The following BCAS3 variants were observed in gnomAD, a reference collection of about 807,000 sequenced individuals.
BCAS3 encodes BCAS4/BCAS3 fusion.
A neutral mutation model predicts 116.1 loss-of-function variants in BCAS3; 53 were observed. That is an observed-to-expected ratio of 0.46 (90% CI 0.37 to 0.57). The LOEUF is 0.57. BCAS3 is among the 20% of genes least tolerant of loss of function. BCAS3 has a pLI of 0.00. For missense variants in BCAS3, 917 were observed against 1,165.4 expected (o/e 0.79, Z 3.10); for synonymous variants, 391 against 408.2 (o/e 0.96, Z 0.51).
In BCAS3 at chr17:61,366,504, G is replaced by A. The variant is rs925025511; in HGVS notation, c.2426-1823G>A. Among the ~76,000 whole-genome samples, 2 of 152,218 alleles carry A rather than the reference G, an allele frequency of 1.3e-5. No individual in the cohort carries two copies. The highest frequency in any genetic ancestry group is 4.8e-5 in the African/African-American group (2 of 41,458). ...CACCTGGGAGTTGTTGCCAAGGGTG[G>A]TTGAGTGTTGGCTCTGAGCTTGGCA... On this transcript the variant is annotated intron_variant, in intron 22 of 23. Transcript: ENST00000407086. This position sits in a 1 kb window ranked among gnomAD's most constrained non-coding sequence, Gnocchi z 4.5.
chr17:61,109,689 A>G (rs1431572055), intron 22 of BCAS3, among the ~76,000 whole-genome samples: 1 of 152,094 alleles, frequency 6.6e-6, no homozygotes, highest in African/African-American at 2.4e-5. Flanking sequence ...GCGTTTCCAT[A>G]GTGATGTTGA....
chr17:61,223,934 T>TTG (rs2144397952), intron 22 of BCAS3, among the ~76,000 whole-genome samples: 1 of 152,296 alleles, frequency 6.6e-6, no homozygotes, highest in South Asian at 2.1e-4. Context: ...TGGAACCCAG[T>TTG]TGTAGTGATC....
intron 22 of BCAS3, chr17:61,086,810 A>G (rs1001608472): frequency 1.3e-5 from 13 of 985,274 alleles, no homozygotes; most frequent in Middle Eastern, 5.2e-4. Context: ...TAGATAAGGA[A>G]TTGGACTTTT....
chr17:60,972,500 G>A (rs934767893), intron 14 of BCAS3, among the ~76,000 whole-genome samples: 3 of 146,136 alleles, frequency 2.1e-5, no homozygotes, highest in Non-Finnish European at 4.5e-5. Flanking sequence ...GTAGGCTAGA[G>A]TGTAGTAGTG....
intron 22 of BCAS3, among the ~76,000 whole-genome samples, chr17:61,329,587 G>A (rs1040150749): frequency 6.7e-6 from 1 of 150,228 alleles, no homozygotes; most frequent in Non-Finnish European, 1.5e-5. Context: ...GTGATCCACC[G>A]GCCTCGGCCT....
intron 4 of BCAS3, among the ~76,000 whole-genome samples, chr17:60,693,294 C>T (rs2035114885): frequency 1.3e-5 from 2 of 151,952 alleles, no homozygotes; most frequent in Admixed American, 1.3e-4. Context: ...AGTTTGAATC[C>T]CAGACTACAT....
rs1419082477 is a variant in BCAS3, at chr17:60,962,380, T to C, written c.1221+15028T>C. 1.3e-5 allele frequency among the ~76,000 whole-genome samples: 2 copies of C among 152,318 alleles called. No homozygotes were observed. The highest frequency in any genetic ancestry group is 2.1e-4 in the South Asian group (1 of 4,828). ...TCCTTTTGATACAAGCCATTTTTACTAGGGTGAGATGATATCTTGTTGTGG... is the reference window on the plus strand; with the variant it reads ...TCCTTTTGATACAAGCCATTTTTACCAGGGTGAGATGATATCTTGTTGTGG... On this transcript the variant is annotated intron_variant, in intron 14 of 23. Transcript: ENST00000407086. This position sits in a 1 kb window ranked among gnomAD's most constrained non-coding sequence, Gnocchi z 4.4.
At chr17:60,786,547 G>GTATATATATATA (rs72319489) in intron 6 of BCAS3, among the ~76,000 whole-genome samples, 1,878 of 140,584 alleles carry the variant, frequency 0.013, 42 homozygotes, top group African/African-American at 0.045. Flanking sequence ...CTGCAAATGT[G>GTATATATATATA]TATATATATA....
chr17:61,117,851 A>C (rs558294546), intron 22 of BCAS3, among the ~76,000 whole-genome samples: 20 of 152,256 alleles, frequency 1.3e-4, no homozygotes, highest in African/African-American at 4.3e-4. Context: ...ATGAACCTAC[A>C]TTGACAAGTG....
intron 19 of BCAS3, among the ~76,000 whole-genome samples, chr17:61,042,943 A>T (rs1386601251): frequency 2.0e-5 from 3 of 149,594 alleles, no homozygotes; most frequent in Non-Finnish European, 4.4e-5. Context: ...CTCTGGCAGC[A>T]CTGCAGCAGG....
intron 10 of BCAS3, among the ~76,000 whole-genome samples, chr17:60,898,130 TG>T (rs1343296709): frequency 6.6e-6 from 1 of 152,168 alleles, no homozygotes; most frequent in African/African-American, 2.4e-5. Context: ...TTTTCTGTAT[TG>T]TTTTTCACAG....
intron 5 of BCAS3, among the ~76,000 whole-genome samples, chr17:60,731,490 GGC>G (rs1255229021): frequency 1.3e-5 from 2 of 152,146 alleles, no homozygotes; most frequent in African/African-American, 4.8e-5. Context: ...TGGGATTACA[GGC>G]ATCCTGGCCT....
At position 61,313,719 on chromosome 17, in the gene BCAS3, C is replaced by T. The variant is rs1022504689; in HGVS notation, c.2426-54608C>T. Among the ~76,000 whole-genome samples the T allele has an allele frequency of 6.6e-6, 1 of 152,166 alleles. No individual in the cohort carries two copies. The highest frequency in any genetic ancestry group is 6.5e-5 in the Admixed American group (1 of 15,284). On this transcript the variant is annotated intron_variant, in intron 22 of 23. Transcript: ENST00000407086. This position sits in a 1 kb window ranked among gnomAD's most constrained non-coding sequence, Gnocchi z 4.3. ...AGCTCCTCTAGGCTGAGGCAGTTAA[C>T]GATTAAACAAGAAGCAGCCTTTGGC...
chr17:61,161,792 T>G lies in BCAS3; in HGVS notation c.2425+77228T>G, dbSNP rs565644592. Among the ~76,000 whole-genome samples the G allele has an allele frequency of 1.3e-5, 2 of 152,204 alleles. No homozygotes were observed. The highest frequency in any genetic ancestry group is 4.1e-4 in the South Asian group (2 of 4,820). On this transcript the variant is annotated intron_variant, in intron 22 of 23. Transcript: ENST00000407086. This position sits in a 1 kb window ranked among gnomAD's most constrained non-coding sequence, Gnocchi z 4.8. ...TTGCTGTCTGGTTGGTTGAACTCAT[T>G]CTCCTCAGCTTATATTTAACTCGTC...
rs1730169048 is a variant in BCAS3 at position 61,388,420 on chromosome 17, C to G, written c.2594-3557C>G. 1.8e-6 allele frequency: 1 copy of G among 545,114 alleles called. No individual in the cohort carries two copies. Among genetic ancestry groups the G allele is most frequent in the Admixed American group, 3.2e-5 (1 of 31,336 alleles). The allele number at this position is 545,114 out of a possible 1,614,324, so 33.8% of individuals were successfully genotyped here. A position where few individuals can be genotyped will look rare whatever the true frequency, so the allele number is the denominator to read the frequency against. ...CCCCTCTGTCACAGCAGATCCATCTCTGGGACCCCCAAGACAGATTGGTCC... is the reference window on the plus strand; with the variant it reads ...CCCCTCTGTCACAGCAGATCCATCTGTGGGACCCCCAAGACAGATTGGTCC... On this transcript the variant is annotated intron_variant, in intron 23 of 23. Coordinates refer to ENST00000407086, the MANE Select transcript of BCAS3 (RefSeq NM_017679.5). This position sits in a 1 kb window ranked among gnomAD's most constrained non-coding sequence, Gnocchi z 6.5.
rs553603042 is a variant in BCAS3 at position 61,235,129 on chromosome 17, C to G, written c.2426-133198C>G. Among the ~76,000 whole-genome samples, 2 of 152,164 alleles carry G rather than the reference C, an allele frequency of 1.3e-5. No individual in the cohort carries two copies. The highest frequency in any genetic ancestry group is 4.8e-5 in the African/African-American group (2 of 41,432). Reference sequence around the variant, plus strand: ...CTCAAACTCCTGACCTAAGATGATCCGCCCACTTCGGTCTTCCAAAGTGCT... The same window carrying G: ...CTCAAACTCCTGACCTAAGATGATCGGCCCACTTCGGTCTTCCAAAGTGCT... On this transcript the variant is annotated intron_variant, in intron 22 of 23. Transcript: ENST00000407086. This position sits in a 1 kb window ranked among gnomAD's most constrained non-coding sequence, Gnocchi z 5.0.
intron 22 of BCAS3, among the ~76,000 whole-genome samples, chr17:61,135,554 G>T (rs1236511783): frequency 6.6e-6 from 1 of 152,174 alleles, no homozygotes; most frequent in Admixed American, 6.5e-5. Flanking sequence ...TTTTTTAACT[G>T]ATCAGCTAGC....
intron 22 of BCAS3, among the ~76,000 whole-genome samples, chr17:61,197,657 C>T (rs1410441809): frequency 6.6e-6 from 1 of 152,108 alleles, no homozygotes; most frequent in Non-Finnish European, 1.5e-5. Context: ...CTGTGGACCC[C>T]TCAATCAGGT....
intron 10 of BCAS3, among the ~76,000 whole-genome samples, chr17:60,891,438 CAAG>C (rs1197122650): frequency 6.6e-6 from 1 of 152,216 alleles, no homozygotes; most frequent in Non-Finnish European, 1.5e-5. Flanking sequence ...GTGGCCTTCA[CAAG>C]GAGTTTGTGA....
Sources: allele counts gnomAD v4.1 joint callset (sites outside exome capture counted in the v4.1 genomes callset), GRCh38; gene constraint gnomAD v4.1.1; non-coding constraint Gnocchi (gnomAD v3.1); transcripts MANE v1.5; gene names NCBI Gene and HGNC (gene_info 2026-07-23, HGNC 2026-07-21).